LRRTM4: variants seen among roughly 807,000 people sequenced by gnomAD.
LRRTM4 encodes leucine rich repeat transmembrane neuronal 4.
LRRTM4 carries 25 observed loss-of-function variants against 47.6 expected under a neutral mutation model. The ratio of observed to expected loss-of-function variants is 0.53; its 90% CI spans 0.38 to 0.73. The LOEUF (loss-of-function observed/expected upper bound fraction) is 0.73. Among genes scored for constraint, LRRTM4 ranks in the 30% least tolerant of loss-of-function variants. The pLI, the probability that LRRTM4 is intolerant of heterozygous loss-of-function variation, is 0.00. For synonymous variants in LRRTM4, 311 were observed against 269.5 expected (o/e 1.15, Z -1.51); for missense variants, 638 against 713.4 (o/e 0.89, Z 1.20).
chr2:77,360,893 T>C (rs1337177217), intron 3 of LRRTM4, among the ~76,000 whole-genome samples: 1 of 152,144 alleles, frequency 6.6e-6, no homozygotes. Flanking sequence ...ATTCAGAAAC[T>C]ATCACATAGG....
chr2:77,106,892 G>GA (rs950253527), intron 3 of LRRTM4, among the ~76,000 whole-genome samples: 2 of 151,734 alleles, frequency 1.3e-5, no homozygotes, highest in Non-Finnish European at 2.9e-5. Context: ...GTCAAGGAAA[G>GA]AAAAAGATTC....
At chr2:76,809,593 C>T (rs1670667165) in intron 3 of LRRTM4, among the ~76,000 whole-genome samples, 1 of 152,162 alleles carries the variant, frequency 6.6e-6, no homozygotes, top group Non-Finnish European at 1.5e-5. Context: ...AGAGCAATTT[C>T]TCTTCTTCCA....
chr2:76,815,368 T>G (rs995062204), intron 3 of LRRTM4, among the ~76,000 whole-genome samples: 1 of 152,130 alleles, frequency 6.6e-6, no homozygotes, highest in Non-Finnish European at 1.5e-5. Flanking sequence ...AGAAGCGAGA[T>G]ATTCAAGTTT....
chr2:77,419,167 T>A (rs780799956), intron 3 of LRRTM4, among the ~76,000 whole-genome samples: 3 of 152,092 alleles, frequency 2.0e-5, no homozygotes, highest in Admixed American at 6.6e-5. Flanking sequence ...GTCAGTGGAT[T>A]TATCTATTTA....
chr2:76,771,206 T>C (rs1302048044), intron 3 of LRRTM4, among the ~76,000 whole-genome samples: 1 of 152,012 alleles, frequency 6.6e-6, no homozygotes, highest in Non-Finnish European at 1.5e-5. Flanking sequence ...TTCAAAGAAA[T>C]GATTAAAGGA....
chr2:77,045,251 A>T (rs915458353), intron 3 of LRRTM4, among the ~76,000 whole-genome samples: 2 of 151,956 alleles, frequency 1.3e-5, no homozygotes, highest in Non-Finnish European at 2.9e-5. Context: ...TCACAAAAAA[A>T]GTAGAGAAAA....
chr2:77,082,548 A>T (rs1054919298), intron 3 of LRRTM4, among the ~76,000 whole-genome samples: 2 of 152,122 alleles, frequency 1.3e-5, no homozygotes, highest in African/African-American at 4.8e-5. Flanking sequence ...AAAAGGTACC[A>T]TTCTTATATA....
At chr2:77,201,013 G>A (rs1371429) in intron 3 of LRRTM4, among the ~76,000 whole-genome samples, 29,846 of 151,992 alleles carry the variant, frequency 0.2, 5,638 homozygotes, top group African/African-American at 0.49. Flanking sequence ...GCAAGTGTAC[G>A]TAAGCCAGTT....
chr2:76,900,477 A>G (rs1463278616), intron 3 of LRRTM4, among the ~76,000 whole-genome samples: 1 of 152,116 alleles, frequency 6.6e-6, no homozygotes, highest in Non-Finnish European at 1.5e-5. Context: ...TTTTTATAAT[A>G]TATCTAATAG....
At chr2:76,906,259 G>T (rs966415483) in intron 3 of LRRTM4, among the ~76,000 whole-genome samples, 4 of 152,066 alleles carry the variant, frequency 2.6e-5, no homozygotes, top group African/African-American at 9.7e-5. Context: ...CTTCATAAGT[G>T]AAGGAGAAAT....
chr2:77,072,618 C>G (rs984325164), intron 3 of LRRTM4, among the ~76,000 whole-genome samples: 12 of 151,568 alleles, frequency 7.9e-5, no homozygotes, highest in Non-Finnish European at 1.5e-4. Flanking sequence ...GCCAACATGA[C>G]GAAATCCCGT....
intron 3 of LRRTM4, among the ~76,000 whole-genome samples, chr2:77,491,829 AT>A (rs1463012694): frequency 2.0e-5 from 3 of 151,932 alleles, no homozygotes; most frequent in African/African-American, 7.2e-5. Flanking sequence ...CAGAAATTTT[AT>A]TTAAAAACCT....
chr2:77,332,843 AAG>A (rs1671019483), intron 3 of LRRTM4, among the ~76,000 whole-genome samples: 1 of 152,068 alleles, frequency 6.6e-6, no homozygotes. Context: ...TAATTTTTGG[AAG>A]CTCTCACCTC....
At chr2:77,021,568 G>C (rs185012061) in intron 3 of LRRTM4, among the ~76,000 whole-genome samples, 2 of 152,084 alleles carry the variant, frequency 1.3e-5, no homozygotes, top group African/African-American at 4.8e-5. Context: ...TGAAGAAAAG[G>C]TCACACTATT....
At chr2:77,382,742 G>A (rs1226621289) in intron 3 of LRRTM4, among the ~76,000 whole-genome samples, 3 of 151,956 alleles carry the variant, frequency 2.0e-5, no homozygotes, top group African/African-American at 7.2e-5. Context: ...TTTTAGATTA[G>A]AATAAATTGA....
Position 77,049,083 on chromosome 2 carries a change from GAC to G in LRRTM4, c.1552-300169_1552-300168del, listed in dbSNP as rs557982512. On this transcript the variant is annotated intron_variant, in intron 3 of 3. Transcript: ENST00000409884. ...TGAGCTCATCCGTGTTGCTGTGAATGACAGTTTGTTTTTTTTTGACTAAATAA... is the reference window on the plus strand; with the variant it reads ...TGAGCTCATCCGTGTTGCTGTGAATGAGTTTGTTTTTTTTTGACTAAATAA... 6.4e-4 allele frequency among the ~76,000 whole-genome samples: 89 copies of G among 138,520 alleles called. 2 individuals carry two copies. In the Middle Eastern group the frequency reaches 0.012, roughly 19 times the overall value. 90.9% of individuals were successfully genotyped at this position (138,520 alleles called of 152,430 possible). A position where few individuals can be genotyped will look rare whatever the true frequency, so the allele number is the denominator to read the frequency against.
intron 3 of LRRTM4, among the ~76,000 whole-genome samples, chr2:77,133,834 G>A (rs866579395): frequency 1.3e-5 from 2 of 152,176 alleles, no homozygotes; most frequent in Admixed American, 1.3e-4. Context: ...TGGAATAAAT[G>A]TATGTGACTA....
chr2:77,218,443 A>G (rs13411538), intron 3 of LRRTM4, among the ~76,000 whole-genome samples: 5,750 of 152,086 alleles, frequency 0.038, 384 homozygotes, highest in African/African-American at 0.13. Flanking sequence ...AAAGTTGGCT[A>G]TTTCTTACCC....
intron 3 of LRRTM4, among the ~76,000 whole-genome samples, chr2:77,043,384 C>T (rs575683580): frequency 5.9e-5 from 9 of 151,886 alleles, no homozygotes; most frequent in Non-Finnish European, 1.2e-4. Context: ...GTCTTCGCAA[C>T]AGTATTGTCC....
Sources: gnomAD v4.1 joint callset for allele counts (sites outside exome capture counted in the v4.1 genomes callset) on GRCh38, gnomAD v4.1.1 for gene constraint, MANE v1.5 for transcripts, NCBI Gene and HGNC (gene_info 2026-07-23, HGNC 2026-07-21) for gene names.